TSPOAP1: variants seen among roughly 807,000 people sequenced by gnomAD.
TSPOAP1 encodes the protein TSPO associated protein 1, also known as peripheral-type benzodiazepine receptor-associated protein 1.
In TSPOAP1, 87 loss-of-function variants were observed where a neutral mutation model predicts 197.0. The ratio of observed to expected loss-of-function variants is 0.44; its 90% CI spans 0.37 to 0.53. The LOEUF (loss-of-function observed/expected upper bound fraction) is 0.53. Among genes scored for constraint, TSPOAP1 ranks in the 20% least tolerant of loss-of-function variants. The probability of loss-of-function intolerance (pLI) is 0.00; values close to 1 mark genes in which losing one functional copy is unlikely to be tolerated. For synonymous variants in TSPOAP1, 913 were observed against 998.9 expected (o/e 0.91, Z 1.62); for missense variants, 2,174 against 2,411.3 (o/e 0.90, Z 2.06).
At position 58,326,466 on chromosome 17, in the gene TSPOAP1, A is replaced by G; in HGVS notation, c.442-45T>C. On this transcript the variant is annotated intron_variant, in intron 2 of 31. Coordinates refer to ENST00000343736, the MANE Select transcript of TSPOAP1 (RefSeq NM_004758.4). The surrounding 1 kb of genome is among the most constrained non-coding windows in gnomAD (Gnocchi z 4.7). ...AATTGGGGCATGTAGGGAGCACCCC[A>G]CAGACCCAGTCCTAACAGCCCAAGT... The G allele has an allele frequency of 2.5e-6, 4 of 1,607,402 alleles. No homozygotes were observed. In the South Asian group the frequency reaches 3.3e-5, roughly 13 times the overall value.
chr17:58,319,994 C>T (rs1285341905), intron 12 of TSPOAP1, 115 bp downstream of exon 12: 1 of 1,372,988 alleles, frequency 7.3e-7, no homozygotes, highest in Non-Finnish European at 1.0e-6. Flanking sequence ...CTCATGCCTG[C>T]TCCCAGTGAC....
rs2143178145 is a variant in TSPOAP1 at position 58,328,197 on chromosome 17, A to G, written c.-277T>C. On this transcript the variant is annotated 5_prime_UTR_variant, in exon 1 of 32. Coordinates refer to ENST00000343736, the MANE Select transcript of TSPOAP1 (RefSeq NM_004758.4). The surrounding 1 kb of genome is among the most constrained non-coding windows in gnomAD (Gnocchi z 4.3). ...GGAGCGAGGGTGTCCCTGTGGGGGTAGGGAGGATGTGCAGAGGCCACCGAC... is the reference window on the plus strand; with the variant it reads ...GGAGCGAGGGTGTCCCTGTGGGGGTGGGGAGGATGTGCAGAGGCCACCGAC... The G allele has an allele frequency of 1.0e-5, 5 of 500,838 alleles. No homozygotes were observed. In the South Asian group the frequency reaches 1.2e-4, roughly 12 times the overall value. 31.0% of individuals were successfully genotyped at this position (500,838 alleles called of 1,614,324 possible).
chr17:58,326,374 C>T lies in TSPOAP1; in HGVS notation c.489G>A (p.Lys163=). The change falls in exon 3 of 32, where the codon AAG becomes AAA. Residue 163 remains lysine (K), a synonymous_variant. Transcript: ENST00000343736. The surrounding 1 kb of genome is among the most constrained non-coding windows in gnomAD (Gnocchi z 4.7). ...PETEEKVRRL[K]RKNAELAVIA... ...TGACCGCCAGCTCGGCGTTCTTCCTCTTCAGCCTCCGCACCTTCTCTTCTG... is the reference window on the plus strand; with the variant it reads ...TGACCGCCAGCTCGGCGTTCTTCCTTTTCAGCCTCCGCACCTTCTCTTCTG... 6 of 1,614,056 alleles carry T rather than the reference C, an allele frequency of 3.7e-6. No individual in the cohort carries two copies. The highest frequency in any genetic ancestry group is 5.1e-6 in the Non-Finnish European group (6 of 1,180,034).
Position 58,309,378 on chromosome 17 carries a change from G to A in TSPOAP1, c.3894C>T (p.Ser1298=). 6.2e-7 allele frequency: 1 copy of A among 1,606,218 alleles called. No homozygotes were observed. The highest frequency in any genetic ancestry group is 2.2e-5 in the East Asian group (1 of 44,790). Reference sequence around the variant, plus strand: ...CAGTCTCACAAAAGGGGTCGGGCTGGGACTGGTGGAGGTGGGGAGGTGGGA... The same window carrying A: ...CAGTCTCACAAAAGGGGTCGGGCTGAGACTGGTGGAGGTGGGGAGGTGGGA... ...GNSIRENGAK[S]QPDPFCETDS... The change falls in exon 22 of 32, where the codon TCC becomes TCT. Residue 1298 remains serine (S), a splice_region_variant and synonymous_variant. Coordinates refer to ENST00000343736, the MANE Select transcript of TSPOAP1 (RefSeq NM_004758.4). This position sits in a 1 kb window ranked among gnomAD's most constrained non-coding sequence, Gnocchi z 5.0.
rs757209435 is a variant in TSPOAP1, at chr17:58,319,212, C to A, written c.1577G>T (p.Arg526Leu). 6.3e-7 allele frequency: 1 copy of A among 1,595,456 alleles called. No individual in the cohort carries two copies. ...CAGATCCAAGGGGCCCGGGTGCAGGCGGAAAGCCTGGAGTTCCTGTGCCAG... is the reference window on the plus strand; with the variant it reads ...CAGATCCAAGGGGCCCGGGTGCAGGAGGAAAGCCTGGAGTTCCTGTGCCAG... ...SLLAQELQAF[R>L]LHPGPLDLLT... Residue 526 changes from arginine (R) to leucine (L), a missense_variant, in exon 13 of 32, where the codon CGC becomes CTC. By Grantham distance (102) the Arg-to-Leu change is moderately radical. Transcript: ENST00000343736.
rs61745692 is a variant in TSPOAP1 at position 58,310,995 on chromosome 17, C to T, written c.3300G>A (p.Ala1100=). 5.3e-3 allele frequency: 8,539 copies of T among 1,596,712 alleles called. 416 individuals are homozygous for T. The African/African-American group carries it at 0.1, about 19-fold the overall frequency. ...GCCCTGGGGAGGCTGAAGCAAGGGG[C>T]GCTCTGGCCTCTGGGCTTGGGTGCG... ...PSPHPSPEAR[A]PLASASPGPG... Residue 1100 remains alanine, a synonymous_variant, in exon 19 of 32, where the codon GCG becomes GCA. Transcript: ENST00000343736.
At position 58,312,383 on chromosome 17, in the gene TSPOAP1, G is replaced by A. The variant is rs559847242; in HGVS notation, c.2438C>T (p.Pro813Leu). The change falls in exon 17 of 32, where the codon CCG (proline) becomes CTG (leucine). Residue 813 changes from proline (P) to leucine (L), a missense_variant. By Grantham distance (98) the Pro-to-Leu change is moderately conservative. This residue lies in a region of TSPOAP1 where 1,933 missense variants were observed against 2,139.0 expected (regional missense o/e 0.90). Transcript: ENST00000343736. ...LAHSVVLAWE[P>L]PPEQVELHGF... The stretch of plus-strand genomic sequence containing the variant: ...GTGTAGCTCCACTTGCTCAGGAGGC[G>A]GCTCCCAGGCCAGCACCACGCTGTG... 74 of 1,612,044 alleles carry A rather than the reference G, an allele frequency of 4.6e-5. No individual in the cohort carries two copies. Among genetic ancestry groups the A allele is most frequent in the South Asian group, 3.8e-4 (35 of 90,920 alleles).
rs1971569173 is a variant in TSPOAP1, at chr17:58,325,686, TC to T, written c.597del (p.Thr200ProfsTer10). ...GCCTTCCGACACAACTCCAAGCTGG[TC>T]CCCGGCCGGGGCAAGGGGGCACTCA... ...RVVSAPLPRP[G>X]TSLELCRKAL... On this transcript the variant is annotated frameshift_variant, in exon 4 of 32. Transcript: ENST00000343736. LOFTEE classifies it high-confidence loss of function. The T allele has an allele frequency of 6.2e-7, 1 of 1,611,556 alleles. No individual in the cohort carries two copies. Among genetic ancestry groups the T allele is most frequent in the Admixed American group, 1.7e-5 (1 of 59,926 alleles).
At chr17:58,310,468 G>T in intron 20 of TSPOAP1, 44 bp downstream of exon 20, 2 of 1,600,386 alleles carry the variant, frequency 1.2e-6, no homozygotes, top group Non-Finnish European at 1.7e-6. Context: ...AGGGAGACAG[G>T]CCTCAATTCT....
chr17:58,302,385 A>G lies in TSPOAP1; in HGVS notation c.*95T>C. ...CACGTTCAATCCTGGGGGCGCTGCC[A>G]GAGCTGGGGGTACAAGGCCCACCTG... On this transcript the variant is annotated 3_prime_UTR_variant, in exon 32 of 32. Coordinates refer to ENST00000343736, the MANE Select transcript of TSPOAP1 (RefSeq NM_004758.4). 1 of 1,288,194 alleles carries G rather than the reference A, an allele frequency of 7.8e-7. No individual in the cohort carries two copies. Among genetic ancestry groups the G allele is most frequent in the South Asian group, 1.2e-5 (1 of 80,908 alleles). 79.8% of individuals were successfully genotyped at this position (1,288,194 alleles called of 1,614,324 possible). A position where few individuals can be genotyped will look rare whatever the true frequency, so the allele number is the denominator to read the frequency against.
intron 24 of TSPOAP1, chr17:58,307,391 C>T (rs62084578): frequency 0.071 from 42,529 of 602,042 alleles, 1,799 homozygotes; most frequent in East Asian, 0.13. Context: ...CTAATATTAT[C>T]CCCATTTTAC....
chr17:58,325,709 C>T lies in TSPOAP1; in HGVS notation c.575G>A (p.Ser192Asn), dbSNP rs1764893781. ...GGTCCCCGGCCGGGGCAAGGGGGCA[C>T]TCACCTAGCCAGAGGAGGGGTAAGG... ...KLQETNLRVV[S>N]APLPRPGTSL... Residue 192 changes from serine to asparagine, a missense_variant, in exon 4 of 32, where the codon AGT (serine) becomes AAT (asparagine). Ser to Asn is a conservative substitution (Grantham distance 46). Transcript: ENST00000343736. 2.5e-6 allele frequency: 4 copies of T among 1,605,190 alleles called. No homozygotes were observed. Among genetic ancestry groups the T allele is most frequent in the Admixed American group, 1.7e-5 (1 of 59,640 alleles).
In TSPOAP1 at chr17:58,327,775, G is replaced by A; in HGVS notation, c.146C>T (p.Ala49Val). The change falls in exon 1 of 32, where the codon GCT becomes GTT. Residue 49 changes from alanine (A) to valine (V), a missense_variant. By Grantham distance (64) the Ala-to-Val change is moderately conservative (BLOSUM62 0). Transcript: ENST00000343736. ...APSIADTPPAALQLQELRSEE... is the reference protein window; with the variant it reads ...APSIADTPPAVLQLQELRSEE... Reference sequence around the variant, plus strand: ...AGACCTCAGTTCTTGAAGCTGCAGAGCTGCCGGAGGAGTATCAGCGATGCT... The same window carrying A: ...AGACCTCAGTTCTTGAAGCTGCAGAACTGCCGGAGGAGTATCAGCGATGCT... 6.2e-7 allele frequency: 1 copy of A among 1,614,206 alleles called. No homozygotes were observed. The highest frequency in any genetic ancestry group is 8.5e-7 in the Non-Finnish European group (1 of 1,180,050).
At chr17:58,325,436 T>G (rs1971555246) in intron 4 of TSPOAP1, 98 bp downstream of exon 4, 1 of 1,486,182 alleles carries the variant, frequency 6.7e-7, no homozygotes, top group Non-Finnish European at 9.1e-7. Flanking sequence ...CACCCTCCCT[T>G]TCATTTGCGT....
Position 58,304,448 on chromosome 17 carries a change from C to T in TSPOAP1, c.5545-49G>A. ...GAGATGGGTTACCGACAGACCCGCACCTTCTCCGCCCGGCCACCAGGTGGC... is the reference window on the plus strand; with the variant it reads ...GAGATGGGTTACCGACAGACCCGCATCTTCTCCGCCCGGCCACCAGGTGGC... On this transcript the variant is annotated intron_variant, in intron 30 of 31. Coordinates refer to ENST00000343736, the MANE Select transcript of TSPOAP1 (RefSeq NM_004758.4). The surrounding 1 kb of genome is among the most constrained non-coding windows in gnomAD (Gnocchi z 4.2). 1 of 1,526,202 alleles carries T rather than the reference C, an allele frequency of 6.6e-7. No homozygotes were observed. The highest frequency in any genetic ancestry group is 9.1e-7 in the Non-Finnish European group (1 of 1,100,180). The allele number at this position is 1,526,202 out of a possible 1,614,324, so 94.5% of individuals were successfully genotyped here.
In TSPOAP1 at chr17:58,327,884, G is replaced by A. The variant is rs1339501436; in HGVS notation, c.37C>T (p.Pro13Ser). 1.9e-6 allele frequency: 3 copies of A among 1,608,228 alleles called. No homozygotes were observed. The change falls in exon 1 of 32, where the codon CCT becomes TCT. Residue 13 changes from proline (P) to serine (S), a missense_variant. By Grantham distance (74) the Pro-to-Ser change is moderately conservative. Transcript: ENST00000343736. ...AGTGCCCATGGCTCCATGGCTCCAGGGTCCCCAGGCCGTGGGAGGGTTGTC... is the reference window on the plus strand; with the variant it reads ...AGTGCCCATGGCTCCATGGCTCCAGAGTCCCCAGGCCGTGGGAGGGTTGTC... Reference protein sequence around the residue: ...QLTTLPRPGDPGAMEPWALPT... With the variant: ...QLTTLPRPGDSGAMEPWALPT...
intron 15 of TSPOAP1, 21 bp from the exon 16 acceptor site, chr17:58,316,153 G>A (rs376453358): frequency 6.4e-7 from 1 of 1,568,156 alleles, no homozygotes; most frequent in Non-Finnish European, 8.8e-7. Flanking sequence ...AGGCACAGAG[G>A]AGGAGGAGGA....
Position 58,304,472 on chromosome 17 carries a change from G to A in TSPOAP1, c.5545-73C>T. 2 of 1,297,746 alleles carry A rather than the reference G, an allele frequency of 1.5e-6. No individual in the cohort carries two copies. The highest frequency in any genetic ancestry group is 2.0e-4 in the Middle Eastern group (1 of 5,060). 80.4% of individuals were successfully genotyped at this position (1,297,746 alleles called of 1,614,324 possible). A position where few individuals can be genotyped will look rare whatever the true frequency, so the allele number is the denominator to read the frequency against. Reference sequence around the variant, plus strand: ...ACCTTCTCCGCCCGGCCACCAGGTGGCCCTGCGCAGGGGTGGGCCCTACTC... The same window carrying A: ...ACCTTCTCCGCCCGGCCACCAGGTGACCCTGCGCAGGGGTGGGCCCTACTC... On this transcript the variant is annotated intron_variant, in intron 30 of 31. Transcript: ENST00000343736. This position sits in a 1 kb window ranked among gnomAD's most constrained non-coding sequence, Gnocchi z 4.2.
Position 58,305,842 on chromosome 17 carries a change from G to T in TSPOAP1, c.5248C>A (p.Pro1750Thr). Residue 1750 changes from proline (P) to threonine (T), a missense_variant, in exon 27 of 32, where the codon CCC (proline) becomes ACC (threonine). Physicochemically the swap from Pro to Thr is conservative, Grantham distance 38. Coordinates refer to ENST00000343736, the MANE Select transcript of TSPOAP1 (RefSeq NM_004758.4). ...KKAESEGPAQ[P>T]CPGPPKLVPS... ...AGGGATATTCCTTCACCTGGACAGGGCTGGGCAGGGCCTTCCGACTCAGCT... is the reference window on the plus strand; with the variant it reads ...AGGGATATTCCTTCACCTGGACAGGTCTGGGCAGGGCCTTCCGACTCAGCT... The T allele has an allele frequency of 1.9e-6, 3 of 1,612,766 alleles. No individual in the cohort carries two copies. The highest frequency in any genetic ancestry group is 2.2e-5 in the South Asian group (2 of 91,046).
Sources: allele counts gnomAD v4.1 joint callset, GRCh38; gene constraint gnomAD v4.1.1; regional missense constraint gnomAD v4.1.1; non-coding constraint Gnocchi (gnomAD v3.1); transcripts MANE v1.5; gene names NCBI Gene and HGNC (gene_info 2026-07-23, HGNC 2026-07-21).